PPARGC1B: variants seen among roughly 807,000 people sequenced by gnomAD.
PPARGC1B encodes the protein peroxisome proliferator-activated receptor gamma coactivator 1-beta.
A neutral mutation model predicts 101.6 loss-of-function variants in PPARGC1B; 34 were observed. That is an observed-to-expected ratio of 0.33 (90% CI 0.25 to 0.45). The LOEUF (loss-of-function observed/expected upper bound fraction) is 0.45, where lower values mean the gene tolerates loss of function less well. Among genes scored for constraint, PPARGC1B ranks in the 20% least tolerant of loss-of-function variants. The pLI is 1.00. For missense variants in PPARGC1B, 1,234 were observed against 1,317.6 expected, an observed-to-expected ratio of 0.94 and a Z score of 0.98; for synonymous variants, 548 against 539.3, an observed-to-expected ratio of 1.02 and a Z score of -0.22.
At chr5:149,809,508 AGATAGATAGATAGAT>A (rs1757762883) in intron 1 of PPARGC1B, among the ~76,000 whole-genome samples, 1 of 140,794 alleles carries the variant, frequency 7.1e-6, no homozygotes, top group African/African-American at 2.7e-5. Flanking sequence ...ATAGATAGAT[AGATAGATAGATAGAT>A]AGATAAGCAA....
intron 1 of PPARGC1B, among the ~76,000 whole-genome samples, chr5:149,773,162 G>A (rs1490175895): frequency 6.6e-6 from 1 of 152,234 alleles, no homozygotes; most frequent in African/African-American, 2.4e-5. Context: ...CCTTCTTGGT[G>A]TTTGGGGCAA....
At chr5:149,808,731 C>T (rs1030174684) in intron 1 of PPARGC1B, among the ~76,000 whole-genome samples, 1 of 152,168 alleles carries the variant, frequency 6.6e-6, no homozygotes, top group Non-Finnish European at 1.5e-5. Context: ...TTACAAGACA[C>T]TCATTTTGTT....
chr5:149,836,258 G>C lies in PPARGC1B; in HGVS notation c.1808-5G>C. 6.5e-7 allele frequency: 1 copy of C among 1,549,220 alleles called. No homozygotes were observed. Among genetic ancestry groups the C allele is most frequent in the South Asian group, 1.2e-5 (1 of 81,248 alleles). Reference sequence around the variant, plus strand: ...TATCTTACCTTTCTCCTCTTCCTCGGGCAGGACTCACCCCACCCACCACAC... The same window carrying C: ...TATCTTACCTTTCTCCTCTTCCTCGCGCAGGACTCACCCCACCCACCACAC... On this transcript the variant is annotated splice_region_variant and splice_polypyrimidine_tract_variant and intron_variant, in intron 7 of 11. Transcript: ENST00000309241.
At chr5:149,792,052 AG>A (rs1164821359) in intron 1 of PPARGC1B, among the ~76,000 whole-genome samples, 3 of 152,128 alleles carry the variant, frequency 2.0e-5, no homozygotes, top group Non-Finnish European at 4.4e-5. Context: ...AAGGCTTGAA[AG>A]GGCAGGGTGT....
At chr5:149,782,727 C>T (rs540060137) in intron 1 of PPARGC1B, among the ~76,000 whole-genome samples, 14 of 152,322 alleles carry the variant, frequency 9.2e-5, no homozygotes, top group East Asian at 3.9e-4. Flanking sequence ...TTTGGGGTCA[C>T]GAGGCCCCGG....
intron 1 of PPARGC1B, among the ~76,000 whole-genome samples, chr5:149,732,288 C>T (rs927165647): frequency 2.0e-5 from 3 of 152,158 alleles, no homozygotes; most frequent in Non-Finnish European, 1.5e-5. Context: ...AAGATTCTGT[C>T]CCCAGATCTC....
At chr5:149,741,320 G>A (rs1754896995) in intron 1 of PPARGC1B, among the ~76,000 whole-genome samples, 1 of 152,192 alleles carries the variant, frequency 6.6e-6, no homozygotes, top group Non-Finnish European at 1.5e-5. Context: ...GTGGCTGCTC[G>A]CGCCTTTATT....
chr5:149,853,796 T>A lies in PPARGC1B; in HGVS notation c.*6238T>A, dbSNP rs1055336285. On this transcript the variant is annotated 3_prime_UTR_variant, in exon 12 of 12. Coordinates refer to ENST00000309241, the MANE Select transcript of PPARGC1B (RefSeq NM_133263.4). This position sits in a 1 kb window ranked among gnomAD's most constrained non-coding sequence, Gnocchi z 4.2. ...CAGGTGGGAAATCTCAAGGGGAGCG[T>A]GGACAAGGTGGTATGTGCAGCAGGG... 1 of 152,206 alleles carries A rather than the reference T, an allele frequency of 6.6e-6. No individual in the cohort carries two copies. The highest frequency in any genetic ancestry group is 2.1e-4 in the South Asian group (1 of 4,820). 9.4% of individuals were successfully genotyped at this position (152,206 alleles called of 1,614,324 possible).
intron 9 of PPARGC1B, among the ~76,000 whole-genome samples, chr5:149,841,467 G>A (rs936357729): frequency 4.6e-5 from 7 of 152,200 alleles, no homozygotes; most frequent in African/African-American, 1.7e-4. Context: ...TCCTTGGCAT[G>A]TGTAGTCCGT....
At chr5:149,782,888 GC>G (rs1756644886) in intron 1 of PPARGC1B, among the ~76,000 whole-genome samples, 1 of 152,160 alleles carries the variant, frequency 6.6e-6, no homozygotes, top group African/African-American at 2.4e-5. Flanking sequence ...CCCCCAGTGG[GC>G]CTCTGAGGGG....
chr5:149,815,359 A>G (rs1297976159), intron 1 of PPARGC1B, among the ~76,000 whole-genome samples: 1 of 152,110 alleles, frequency 6.6e-6, no homozygotes, highest in African/African-American at 2.4e-5. Context: ...AGAGACAGAT[A>G]TGCATAGAGG....
At chr5:149,838,810 T>TACCTGGTAA (rs1240126798) in intron 8 of PPARGC1B, among the ~76,000 whole-genome samples, 1 of 152,242 alleles carries the variant, frequency 6.6e-6, no homozygotes, top group Non-Finnish European at 1.5e-5. Flanking sequence ...CTGAGCTCAG[T>TACCTGGTAA]ACCTGGTAAA....
chr5:149,812,910 G>A (rs982744181), intron 1 of PPARGC1B, among the ~76,000 whole-genome samples: 1 of 152,216 alleles, frequency 6.6e-6, no homozygotes, highest in African/African-American at 2.4e-5. Flanking sequence ...CACTGGGAGG[G>A]GAATGGGTAA....
chr5:149,820,858 G>A (rs967621399), intron 2 of PPARGC1B, among the ~76,000 whole-genome samples: 1 of 152,080 alleles, frequency 6.6e-6, no homozygotes, highest in Non-Finnish European at 1.5e-5. Flanking sequence ...TAGGCCTCCC[G>A]AGCAGAACCA....
At chr5:149,806,968 C>G (rs978806517) in intron 1 of PPARGC1B, among the ~76,000 whole-genome samples, 6 of 141,982 alleles carry the variant, frequency 4.2e-5, no homozygotes, top group African/African-American at 1.6e-4. Flanking sequence ...TTTTTTTTTT[C>G]CTTTTTGAGA....
At chr5:149,767,396 A>G (rs1231414999) in intron 1 of PPARGC1B, among the ~76,000 whole-genome samples, 1 of 152,220 alleles carries the variant, frequency 6.6e-6, no homozygotes, top group Non-Finnish European at 1.5e-5. Context: ...TCCCAGGGGA[A>G]GAGCCTTCTT....
intron 1 of PPARGC1B, among the ~76,000 whole-genome samples, chr5:149,770,206 G>T (rs1226342584): frequency 6.6e-6 from 1 of 152,104 alleles, no homozygotes; most frequent in Non-Finnish European, 1.5e-5. Flanking sequence ...CTTCCTGCCA[G>T]ATCTGGCCTC....
intron 1 of PPARGC1B, among the ~76,000 whole-genome samples, chr5:149,816,936 A>G (rs890492767): frequency 1.4e-4 from 21 of 152,252 alleles, no homozygotes; most frequent in African/African-American, 4.1e-4. Context: ...TCCTACCCCC[A>G]TCACACTTGG....
chr5:149,813,465 A>G (rs1324915189), intron 1 of PPARGC1B, among the ~76,000 whole-genome samples: 1 of 152,194 alleles, frequency 6.6e-6, no homozygotes, highest in Non-Finnish European at 1.5e-5. Context: ...ACCACAAGCC[A>G]TGATGACACT....
Sources: allele counts gnomAD v4.1 joint callset (sites outside exome capture counted in the v4.1 genomes callset), GRCh38; gene constraint gnomAD v4.1.1; non-coding constraint Gnocchi (gnomAD v3.1); transcripts MANE v1.5; gene names NCBI Gene and HGNC (gene_info 2026-07-23, HGNC 2026-07-21).